RFX8: variants seen among roughly 807,000 people sequenced by gnomAD.
RFX8 encodes the protein regulatory factor X8.
RFX8 carries 46 observed loss-of-function variants against 54.6 expected under a neutral mutation model. The observed-to-expected ratio is 0.84, with a 90% CI of 0.67 to 1.08. The LOEUF (loss-of-function observed/expected upper bound fraction) is 1.08, where lower values mean the gene tolerates loss of function less well. RFX8 is among the 50% of genes least tolerant of loss of function. RFX8 has a pLI of 0.00. For synonymous variants in RFX8, 192 were observed against 209.5 expected (o/e 0.92, Z 0.72); for missense variants, 536 against 562.3 (o/e 0.95, Z 0.47).
intron 2 of RFX8, among the ~76,000 whole-genome samples, chr2:101,434,133 A>G (rs541608968): frequency 1.7e-4 from 26 of 152,352 alleles, no homozygotes; most frequent in African/African-American, 6.0e-4. Flanking sequence ...GAAGAAGGAC[A>G]AACAGAATTC....
chr2:101,469,082 G>GTATATATATATAAGTATA (rs398104558), intron 1 of RFX8, among the ~76,000 whole-genome samples: 4 of 49,288 alleles, frequency 8.1e-5, no homozygotes, highest in African/African-American at 4.9e-4. Flanking sequence ...ATATATAAGT[G>GTATATATATATAAGTATA]TATATATATA....
At chr2:101,427,955 C>A (rs1428853642) in intron 2 of RFX8, among the ~76,000 whole-genome samples, 1 of 152,154 alleles carries the variant, frequency 6.6e-6, no homozygotes, top group East Asian at 1.9e-4. Context: ...CTGTTACGGA[C>A]AGAATGTTGT....
chr2:101,400,836 A>G (rs898211806), intron 11 of RFX8, among the ~76,000 whole-genome samples: 2 of 152,116 alleles, frequency 1.3e-5, no homozygotes, highest in African/African-American at 4.8e-5. Flanking sequence ...GGCGCTTTCC[A>G]CTGGTGGCCC....
chr2:101,443,956 C>T (rs894563216), intron 2 of RFX8, among the ~76,000 whole-genome samples: 11 of 152,002 alleles, frequency 7.2e-5, no homozygotes, highest in African/African-American at 2.4e-4. Flanking sequence ...ACTGGCAGTC[C>T]GGATCAGGAT....
intron 1 of RFX8, among the ~76,000 whole-genome samples, chr2:101,469,078 A>ACGT (rs1689793043): frequency 1.1e-3 from 7 of 6,566 alleles, no homozygotes; most frequent in African/African-American, 4.0e-3. Flanking sequence ...ATATATATAT[A>ACGT]AGTGTATATA....
chr2:101,402,326 A>G (rs1417635671), intron 11 of RFX8, 110 bp downstream of exon 11: 2 of 953,954 alleles, frequency 2.1e-6, no homozygotes, highest in Admixed American at 2.9e-5. Flanking sequence ...AGATGACTGT[A>G]GAATCGTTTA....
At chr2:101,438,947 G>A (rs181687332) in intron 2 of RFX8, among the ~76,000 whole-genome samples, 2 of 152,198 alleles carry the variant, frequency 1.3e-5, no homozygotes, top group African/African-American at 4.8e-5. Flanking sequence ...GAGTAGCTGG[G>A]ATTACAGGCG....
rs771057480 is a variant in RFX8, at chr2:101,413,049, C to G, written c.584G>C (p.Ser195Thr). The G allele has an allele frequency of 1.2e-5, 18 of 1,552,110 alleles. No individual in the cohort carries two copies. The highest frequency in any genetic ancestry group is 1.6e-5 in the Non-Finnish European group (18 of 1,147,046). ...MAKTMRMVLKSKRRVSVLKSD... is the reference protein window; with the variant it reads ...MAKTMRMVLKTKRRVSVLKSD... ...CTTCAAAACGCTGACACGCCTCTTA[C>G]TTTTCAATACCATTCGCATAGTCTA... The change falls in exon 8 of 12, where the codon AGT becomes ACT. Residue 195 changes from serine (S) to threonine (T), a missense_variant. By Grantham distance (58) the Ser-to-Thr change is moderately conservative (BLOSUM62 1). Coordinates refer to ENST00000428343, the MANE Select transcript of RFX8 (RefSeq NM_001145664.2).
In RFX8 at chr2:101,435,878, T is replaced by C. The variant is rs73943473; in HGVS notation, c.73-13406A>G. On this transcript the variant is annotated intron_variant, in intron 2 of 11. Transcript: ENST00000428343. ...TTCATTTGTTTTAAAAATCAAACCTTGGTCTCTCCTTGGTGAGGACGGATG... is the reference window on the plus strand; with the variant it reads ...TTCATTTGTTTTAAAAATCAAACCTCGGTCTCTCCTTGGTGAGGACGGATG... Among the ~76,000 whole-genome samples, 1,310 of 152,290 alleles carry C rather than the reference T, an allele frequency of 8.6e-3. 19 individuals are homozygous for C. Among genetic ancestry groups the C allele is most frequent in the African/African-American group, 0.03 (1,248 of 41,544 alleles).
Position 101,457,554 on chromosome 2 carries a change from T to A in RFX8, c.72+9223A>T, listed in dbSNP as rs142705361. ...TCTTATTCCTGAGTTCTAATTTGAT[T>A]GCACTGTGGTCTGAGAGACAGTTTG... On this transcript the variant is annotated intron_variant, in intron 2 of 11. Transcript: ENST00000428343. 5.7e-3 allele frequency among the ~76,000 whole-genome samples: 874 copies of A among 152,344 alleles called. 6 individuals are homozygous for A. Among genetic ancestry groups the A allele is most frequent in the African/African-American group, 0.02 (842 of 41,574 alleles).
At chr2:101,458,626 T>C (rs76022027) in intron 2 of RFX8, among the ~76,000 whole-genome samples, 10 of 152,338 alleles carry the variant, frequency 6.6e-5, no homozygotes, top group Non-Finnish European at 1.2e-4. Context: ...GACCTTTCTC[T>C]CTGTCTGCCC....
intron 2 of RFX8, among the ~76,000 whole-genome samples, chr2:101,445,600 T>TAAAAAA (rs1249633754): frequency 1.1e-4 from 16 of 151,564 alleles, no homozygotes; most frequent in African/African-American, 3.6e-4. Context: ...TTTTTAATTT[T>TAAAAAA]ATATTTTTTG....
At chr2:101,421,848 T>C in intron 3 of RFX8, 71 bp from the exon 4 acceptor site, 3 of 1,167,210 alleles carry the variant, frequency 2.6e-6, no homozygotes, top group Non-Finnish European at 3.7e-6. Context: ...CACAGACTTT[T>C]CTGAAGCTCT....
intron 2 of RFX8, among the ~76,000 whole-genome samples, chr2:101,455,732 G>GT (rs1408771624): frequency 4.6e-5 from 7 of 152,322 alleles, no homozygotes; most frequent in Admixed American, 4.6e-4. Context: ...CTTTAAAGTA[G>GT]TTTTTTCCAA....
intron 4 of RFX8, chr2:101,421,264 A>T: frequency 1.0e-6 from 1 of 985,922 alleles, no homozygotes. Flanking sequence ...TGAAAGATTT[A>T]TTCATGTTTT....
chr2:101,412,968 A>C lies in RFX8; in HGVS notation c.665T>G (p.Leu222Arg), dbSNP rs962868239. 1.3e-6 allele frequency: 2 copies of C among 1,551,892 alleles called. No individual in the cohort carries two copies. Among genetic ancestry groups the C allele is most frequent in the East Asian group, 2.4e-5 (1 of 40,914 alleles). The change falls in exon 8 of 12, where the codon CTG becomes CGG. Residue 222 changes from leucine (L) to arginine (R), a missense_variant. Coordinates refer to ENST00000428343, the MANE Select transcript of RFX8 (RefSeq NM_001145664.2). ...ATCTGCGCCACTCCGGTCACTTGCC[A>C]GGGCTTTCTTAGAAGTAGCCAAAGT... ...QGTLATSKKA[L>R]ASDRSGADEL...
intron 4 of RFX8, among the ~76,000 whole-genome samples, chr2:101,420,898 T>A (rs1189296710): frequency 2.0e-5 from 3 of 152,240 alleles, no homozygotes; most frequent in African/African-American, 7.2e-5. Flanking sequence ...TTCTCAAGCC[T>A]TATGGAGAAT....
At position 101,466,875 on chromosome 2, in the gene RFX8, C is replaced by T. The variant is rs1053852913; in HGVS notation, c.-27G>A. ...AGACAGCGAGGGACGCTGCACTCTT[C>T]GCAAATGCAGAAGTTGTCGACCAAC... On this transcript the variant is annotated 5_prime_UTR_variant, in exon 2 of 12. Coordinates refer to ENST00000428343, the MANE Select transcript of RFX8 (RefSeq NM_001145664.2). 1.8e-5 allele frequency: 28 copies of T among 1,533,154 alleles called. No homozygotes were observed. Among genetic ancestry groups the T allele is most frequent in the East Asian group, 4.9e-5 (2 of 40,834 alleles). 95.0% of individuals were successfully genotyped at this position (1,533,154 alleles called of 1,614,324 possible). A position where few individuals can be genotyped will look rare whatever the true frequency, so the allele number is the denominator to read the frequency against.
At chr2:101,419,226 G>A (rs1357730847) in intron 4 of RFX8, among the ~76,000 whole-genome samples, 2 of 152,208 alleles carry the variant, frequency 1.3e-5, no homozygotes, top group Non-Finnish European at 2.9e-5. Flanking sequence ...AAGGGAAGCT[G>A]TTTCTGACCA....
Sources: gnomAD v4.1 joint callset for allele counts (sites outside exome capture counted in the v4.1 genomes callset) on GRCh38, gnomAD v4.1.1 for gene constraint, MANE v1.5 for transcripts, NCBI Gene and HGNC (gene_info 2026-07-23, HGNC 2026-07-21) for gene names.